Variants in LINGO2 observed in about 807,000 individuals in gnomAD.
LINGO2 encodes leucine-rich repeat and immunoglobulin-like domain-containing nogo receptor-interacting protein 2.
LINGO2 carries 14 observed loss-of-function variants against 30.6 expected under a neutral mutation model. That is an observed-to-expected ratio of 0.46 (90% CI 0.30 to 0.72). The LOEUF (loss-of-function observed/expected upper bound fraction) is 0.72. LINGO2 is among the 30% of genes least tolerant of loss of function. The pLI, the probability that LINGO2 is intolerant of heterozygous loss-of-function variation, is 0.07. For missense variants in LINGO2, 729 were observed against 751.7 expected, an observed-to-expected ratio of 0.97 and a Z score of 0.35; for synonymous variants, 317 against 288.5, an observed-to-expected ratio of 1.10 and a Z score of -1.00.
At chr9:29,012,417 GC>G in the LINGO2 span, among the ~76,000 whole-genome samples, 1 of 152,080 alleles carries the variant, frequency 6.6e-6, no homozygotes, top group Non-Finnish European at 1.5e-5. Context: ...TTAAACGGTT[GC>G]CTAAGTTCAC....
At chr9:28,884,996 T>TTA in the LINGO2 span, among the ~76,000 whole-genome samples, 223 of 15,884 alleles carry the variant, frequency 0.014, 13 homozygotes, top group African/African-American at 0.032. Flanking sequence ...TAATAATATA[T>TTA]TATATATATA....
the LINGO2 span, among the ~76,000 whole-genome samples, chr9:28,947,666 G>A: frequency 1.0e-4 from 11 of 106,832 alleles, no homozygotes; most frequent in Non-Finnish European, 1.7e-4. Context: ...TTATCTGCTC[G>A]TAGTAAGAAG....
the LINGO2 span, among the ~76,000 whole-genome samples, chr9:28,703,155 C>T: frequency 6.6e-6 from 1 of 151,472 alleles, no homozygotes; most frequent in African/African-American, 2.4e-5. Flanking sequence ...TTTTCTTCTG[C>T]TTACTTTGCA....
chr9:28,236,403 T>G (rs1366710395), intron 4 of LINGO2, among the ~76,000 whole-genome samples: 1 of 152,166 alleles, frequency 6.6e-6, no homozygotes, highest in Non-Finnish European at 1.5e-5. Context: ...TCACTGCTAA[T>G]AGTAAGCACA....
At chr9:28,056,698 G>A (rs926532660) in intron 4 of LINGO2, among the ~76,000 whole-genome samples, 1 of 152,184 alleles carries the variant, frequency 6.6e-6, no homozygotes, top group Non-Finnish European at 1.5e-5. Context: ...GATGTATGGA[G>A]CAGAAGAGAC....
intron 4 of LINGO2, among the ~76,000 whole-genome samples, chr9:28,206,101 GT>G (rs1478874680): frequency 6.7e-6 from 1 of 148,176 alleles, no homozygotes; most frequent in South Asian, 2.2e-4. Flanking sequence ...GGAGGTGGAG[GT>G]TGCAGTAAGC....
the LINGO2 span, among the ~76,000 whole-genome samples, chr9:28,686,480 C>G: frequency 6.6e-6 from 1 of 151,894 alleles, no homozygotes; most frequent in South Asian, 2.1e-4. Context: ...GACTGAAGCA[C>G]CAGGTGGAAA....
chr9:28,475,159 A>G (rs1404283500), intron 2 of LINGO2, among the ~76,000 whole-genome samples: 1 of 152,160 alleles, frequency 6.6e-6, no homozygotes, highest in Non-Finnish European at 1.5e-5. Context: ...CATTTTTTAC[A>G]GAGTATGTGA....
At chr9:28,644,848 T>A (rs997394650) in intron 1 of LINGO2, among the ~76,000 whole-genome samples, 25 of 152,152 alleles carry the variant, frequency 1.6e-4, no homozygotes, top group African/African-American at 6.0e-4. Flanking sequence ...ATAAATCAAA[T>A]TTTTTTAAAA....
At chr9:29,073,050 C>T in the LINGO2 span, among the ~76,000 whole-genome samples, 7 of 151,516 alleles carry the variant, frequency 4.6e-5, no homozygotes, top group Admixed American at 4.6e-4. Context: ...CCCCTCCAAC[C>T]CCATCCTTGT....
intron 2 of LINGO2, among the ~76,000 whole-genome samples, chr9:28,427,563 A>G (rs547310236): frequency 1.3e-5 from 2 of 152,272 alleles, no homozygotes; most frequent in South Asian, 2.1e-4. Flanking sequence ...TACAATTAAT[A>G]TGATACAGAT....
chr9:28,414,360 TA>T (rs1378180159), intron 2 of LINGO2, among the ~76,000 whole-genome samples: 1 of 152,084 alleles, frequency 6.6e-6, no homozygotes, highest in Non-Finnish European at 1.5e-5. Flanking sequence ...TATGTAAATA[TA>T]TAAAATATAT....
chr9:28,574,515 T>C (rs905993786), intron 1 of LINGO2, among the ~76,000 whole-genome samples: 4 of 152,232 alleles, frequency 2.6e-5, no homozygotes, highest in African/African-American at 9.6e-5. Flanking sequence ...CTGCTCTTTA[T>C]GTTTTTAGTA....
At chr9:28,259,813 G>A (rs866238111) in intron 4 of LINGO2, among the ~76,000 whole-genome samples, 3 of 151,870 alleles carry the variant, frequency 2.0e-5, no homozygotes, top group African/African-American at 4.8e-5. Flanking sequence ...GAAGCCAAAG[G>A]ATAGGGGAGT....
chr9:28,744,533 T>C, the LINGO2 span, among the ~76,000 whole-genome samples: 5 of 151,932 alleles, frequency 3.3e-5, no homozygotes, highest in African/African-American at 4.8e-5. Context: ...TTTTAGTGAC[T>C]TGGCAGAATT....
At chr9:28,369,909 TTGAC>T (rs1275187501) in intron 3 of LINGO2, among the ~76,000 whole-genome samples, 3 of 152,192 alleles carry the variant, frequency 2.0e-5, no homozygotes, top group Non-Finnish European at 4.4e-5. Flanking sequence ...CTCTGCTTCT[TTGAC>T]TGACATTCTG....
the LINGO2 span, among the ~76,000 whole-genome samples, chr9:28,966,596 A>C: frequency 2.1e-3 from 313 of 152,264 alleles, 1 homozygote; most frequent in African/African-American, 7.2e-3. Context: ...AAGTATATAG[A>C]GATACCAATT....
intron 4 of LINGO2, among the ~76,000 whole-genome samples, chr9:28,260,973 C>A (rs1002089499): frequency 1.3e-4 from 20 of 151,884 alleles, no homozygotes; most frequent in African/African-American, 4.6e-4. Context: ...GGTCTGTGTG[C>A]TTAAAGATTT....
chr9:27,977,090 A>G lies in LINGO2; in HGVS notation c.-35-26384T>C, dbSNP rs189884832. On this transcript the variant is annotated intron_variant, in intron 5 of 5. Coordinates refer to ENST00000379992, the Ensembl canonical transcript of LINGO2. ...AACAACTGAACATTCGTAAGATGCT[A>G]TCTCTCAATAATTACGTAATATTAT... is the stretch of plus-strand genomic sequence containing the variant. Among the ~76,000 whole-genome samples, 15 of 152,028 alleles carry G rather than the reference A, an allele frequency of 9.9e-5. No individual in the cohort carries two copies. In the East Asian group the frequency reaches 2.5e-3, roughly 26 times the overall value.
Sources: allele counts gnomAD v4.1 joint callset (sites outside exome capture counted in the v4.1 genomes callset), GRCh38; gene constraint gnomAD v4.1.1; transcripts MANE v1.5; gene names NCBI Gene and HGNC (gene_info 2026-07-23, HGNC 2026-07-21).